Variants in GNPTAB observed in about 807,000 individuals in gnomAD.
The protein encoded by GNPTAB is N-acetylglucosamine-1-phosphotransferase subunits alpha/beta.
A neutral mutation model predicts 136.6 loss-of-function variants in GNPTAB; 92 were observed. That is an observed-to-expected ratio of 0.67 (90% CI 0.57 to 0.80). GNPTAB has a LOEUF of 0.80. Ranked by LOEUF, GNPTAB falls within the 30% of genes least tolerant of loss-of-function variation. The pLI, the probability that GNPTAB is intolerant of heterozygous loss-of-function variation, is 0.00. For missense variants in GNPTAB, 1,343 were observed against 1,501.8 expected (o/e 0.89, Z 1.75); for synonymous variants, 512 against 535.1 (o/e 0.96, Z 0.60).
chr12:101,812,083 C>T (rs1475445839), intron 1 of GNPTAB, among the ~76,000 whole-genome samples: 1 of 151,414 alleles, frequency 6.6e-6, no homozygotes, highest in Admixed American at 6.6e-5. Context: ...GAAACCCCAT[C>T]TCTACTAAAA....
intron 5 of GNPTAB, 71 bp downstream of exon 5, chr12:101,785,941 T>C (rs1335367015): frequency 1.6e-5 from 18 of 1,119,180 alleles, no homozygotes; most frequent in South Asian, 1.5e-4. Context: ...TCATTTCTAT[T>C]CCACTCAGAA....
intron 1 of GNPTAB, among the ~76,000 whole-genome samples, chr12:101,812,743 AG>A (rs1313737210): frequency 1.3e-5 from 2 of 152,302 alleles, no homozygotes; most frequent in African/African-American, 2.4e-5. Context: ...TGGGTGACAG[AG>A]TAAGACCCTG....
intron 19 of GNPTAB, among the ~76,000 whole-genome samples, chr12:101,750,311 A>T (rs982379022): frequency 6.6e-6 from 1 of 152,238 alleles, no homozygotes; most frequent in African/African-American, 2.4e-5. Context: ...TCTCTACCTC[A>T]AGTCACACAT....
Position 101,746,411 on chromosome 12 carries a change from C to T in GNPTAB, c.*753G>A, listed in dbSNP as rs992789491. 9.9e-5 allele frequency: 15 copies of T among 152,232 alleles called. No individual in the cohort carries two copies. Among genetic ancestry groups the T allele is most frequent in the African/African-American group, 3.6e-4 (15 of 41,446 alleles). 9.4% of individuals were successfully genotyped at this position (152,232 alleles called of 1,614,324 possible). ...TGAGGCACTTCTGTTTGAATATGTA[C>T]ATTTCCAAAACATAATTACATCTGG... On this transcript the variant is annotated 3_prime_UTR_variant, in exon 21 of 21. Coordinates refer to ENST00000299314, the MANE Select transcript of GNPTAB (RefSeq NM_024312.5).
intron 7 of GNPTAB, among the ~76,000 whole-genome samples, chr12:101,777,436 G>C (rs1953276620): frequency 6.6e-6 from 1 of 152,176 alleles, no homozygotes; most frequent in African/African-American, 2.4e-5. Flanking sequence ...GCCTGTGCTA[G>C]AAACCATTGC....
At position 101,766,139 on chromosome 12, in the gene GNPTAB, C is replaced by T. The variant is rs1302194066; in HGVS notation, c.1564G>A (p.Ala522Thr). The T allele has an allele frequency of 2.5e-6, 4 of 1,614,180 alleles. No individual in the cohort carries two copies. Among genetic ancestry groups the T allele is most frequent in the Non-Finnish European group, 3.4e-6 (4 of 1,180,026 alleles). ...SWLADKFCDQ[A>T]CNVLSCGFDA... is the part of the protein sequence containing the mutation. ...AACCCACAGGACAAGACATTGCATG[C>T]TTGGTCACAGAACTTATCAGCGAGC... Residue 522 changes from alanine (A) to threonine (T), a missense_variant, in exon 12 of 21, where the codon GCA becomes ACA. Coordinates refer to ENST00000299314, the MANE Select transcript of GNPTAB (RefSeq NM_024312.5).
rs886170143 is a variant in GNPTAB at position 101,780,072 on chromosome 12, A to T, written c.771+80T>A. On this transcript the variant is annotated intron_variant, in intron 7 of 20. Coordinates refer to ENST00000299314, the MANE Select transcript of GNPTAB (RefSeq NM_024312.5). ...ATGTTTATCAGCTAAACTTTGGGGG[A>T]AAAAAATGGACCACAAGAAAAGAAT... The T allele has an allele frequency of 3.7e-6, 5 of 1,353,682 alleles. No individual in the cohort carries two copies. The Admixed American group carries it at 5.1e-5, about 14-fold the overall frequency. The allele number at this position is 1,353,682 out of a possible 1,614,324, so 83.9% of individuals were successfully genotyped here.
chr12:101,755,612 A>T (rs1018093239), intron 18 of GNPTAB, among the ~76,000 whole-genome samples: 3 of 152,240 alleles, frequency 2.0e-5, no homozygotes, highest in African/African-American at 7.2e-5. Context: ...AGAAATTCAG[A>T]GAAAAACAAA....
At chr12:101,773,178 T>A (rs1490355196) in intron 7 of GNPTAB, 1 of 245,786 alleles carries the variant, frequency 4.1e-6, no homozygotes, top group Non-Finnish European at 8.2e-6. Flanking sequence ...AATTTCTAGA[T>A]CACTTTCCTC....
intron 8 of GNPTAB, 57 bp from the exon 9 acceptor site, chr12:101,770,642 C>G (rs1257151769): frequency 8.4e-7 from 1 of 1,197,414 alleles, no homozygotes; most frequent in African/African-American, 1.5e-5. Context: ...CATACCTCCT[C>G]CTCTTTGTCC....
intron 19 of GNPTAB, among the ~76,000 whole-genome samples, chr12:101,751,450 G>A (rs1328733014): frequency 1.3e-5 from 2 of 152,172 alleles, no homozygotes; most frequent in African/African-American, 4.8e-5. Flanking sequence ...AGTATTCCTA[G>A]CACCTGGCAC....
At chr12:101,797,522 A>G (rs575807054) in intron 1 of GNPTAB, among the ~76,000 whole-genome samples, 23 of 152,206 alleles carry the variant, frequency 1.5e-4, no homozygotes, top group Non-Finnish European at 3.1e-4. Flanking sequence ...CTACTCGGGA[A>G]GTGAGACAGG....
intron 10 of GNPTAB, among the ~76,000 whole-genome samples, chr12:101,768,362 T>C (rs1047596259): frequency 6.6e-6 from 1 of 152,252 alleles, no homozygotes; most frequent in Non-Finnish European, 1.5e-5. Context: ...TGACCGTTCT[T>C]ACTGAGCGTA....
intron 2 of GNPTAB, among the ~76,000 whole-genome samples, chr12:101,792,670 T>C (rs901810205): frequency 2.0e-5 from 3 of 152,180 alleles, no homozygotes; most frequent in African/African-American, 7.2e-5. Flanking sequence ...AAAGAGAATC[T>C]ATAGCTTCAT....
rs1295064895 is a variant in GNPTAB at position 101,746,418 on chromosome 12, A to G, written c.*746T>C. ...CTTCTGTTTGAATATGTACATTTCCAAAACATAATTACATCTGGTAAGTAG... is the reference window on the plus strand; with the variant it reads ...CTTCTGTTTGAATATGTACATTTCCGAAACATAATTACATCTGGTAAGTAG... On this transcript the variant is annotated 3_prime_UTR_variant, in exon 21 of 21. Transcript: ENST00000299314. 1 of 152,288 alleles carries G rather than the reference A, an allele frequency of 6.6e-6. No individual in the cohort carries two copies. Among genetic ancestry groups the G allele is most frequent in the African/African-American group, 2.4e-5 (1 of 41,472 alleles). The allele number at this position is 152,288 out of a possible 1,614,324, so 9.4% of individuals were successfully genotyped here. A position where few individuals can be genotyped will look rare whatever the true frequency, so the allele number is the denominator to read the frequency against.
At chr12:101,820,490 G>A (rs533160200) in intron 1 of GNPTAB, among the ~76,000 whole-genome samples, 1 of 152,252 alleles carries the variant, frequency 6.6e-6, no homozygotes, top group South Asian at 2.1e-4. Context: ...CTCAACTTCA[G>A]CACTATCGAC....
intron 3 of GNPTAB, 116 bp downstream of exon 3, chr12:101,789,822 T>C (rs1241429281): frequency 9.5e-7 from 1 of 1,051,432 alleles, no homozygotes; most frequent in Non-Finnish European, 1.5e-6. Context: ...CAGATCCTTT[T>C]GTAGTTCATT....
intron 16 of GNPTAB, 62 bp downstream of exon 16, chr12:101,759,968 G>T: frequency 2.1e-6 from 2 of 974,090 alleles, no homozygotes; most frequent in Non-Finnish European, 3.4e-6. Flanking sequence ...CAGAAATGCT[G>T]TAAGTAACAC....
At chr12:101,822,562 C>T (rs1030290633) in intron 1 of GNPTAB, among the ~76,000 whole-genome samples, 5 of 152,144 alleles carry the variant, frequency 3.3e-5, no homozygotes, top group African/African-American at 1.2e-4. Context: ...AAACAGGTTA[C>T]AGAGCAGAAA....
Sources: gnomAD v4.1 joint callset for allele counts (sites outside exome capture counted in the v4.1 genomes callset) on GRCh38, gnomAD v4.1.1 for gene constraint, MANE v1.5 for transcripts, NCBI Gene and HGNC (gene_info 2026-07-23, HGNC 2026-07-21) for gene names.